The following TLE4 variants were observed in gnomAD, a reference collection of about 807,000 sequenced individuals.
The protein encoded by TLE4 is TLE family member 4, transcriptional corepressor.
Under a neutral mutation model 92.8 loss-of-function variants are expected in TLE4, and 8 were observed. That is an observed-to-expected ratio of 0.09 (90% CI 0.05 to 0.16). The LOEUF (loss-of-function observed/expected upper bound fraction) is 0.16. TLE4 is among the 10% of genes least tolerant of loss of function. TLE4 has a pLI of 1.00. For missense variants in TLE4, 675 were observed against 997.6 expected (o/e 0.68, Z 4.36); for synonymous variants, 371 against 374.1 (o/e 0.99, Z 0.10).
rs778081784 is a variant in TLE4 at position 79,572,846 on chromosome 9, G to T, written c.45+11G>T. On this transcript the variant is annotated intron_variant, in intron 1 of 19. Coordinates refer to ENST00000376552, the MANE Select transcript of TLE4 (RefSeq NM_007005.6). ...CAGACCAGACACCCAGTGAGTGCGG[G>T]CGGCGGGGCGCGGGCTCGCCGGGTG... is the stretch of plus-strand genomic sequence containing the variant. The T allele has an allele frequency of 4.4e-6, 7 of 1,594,120 alleles. No homozygotes were observed. The South Asian group carries it at 6.7e-5, about 15-fold the overall frequency.
intron 6 of TLE4, among the ~76,000 whole-genome samples, chr9:79,629,803 G>A (rs1222893063): frequency 6.6e-6 from 1 of 152,162 alleles, no homozygotes; most frequent in Non-Finnish European, 1.5e-5. Flanking sequence ...ACAAATTTTT[G>A]CTGCTGAGGT....
chr9:79,614,821 G>A (rs1408450225), intron 5 of TLE4, among the ~76,000 whole-genome samples: 2 of 152,036 alleles, frequency 1.3e-5, no homozygotes, highest in African/African-American at 4.8e-5. Context: ...AAGCTCATCA[G>A]TTATCGTTAG....
At chr9:79,597,306 G>A (rs996704142) in intron 4 of TLE4, among the ~76,000 whole-genome samples, 3 of 152,018 alleles carry the variant, frequency 2.0e-5, no homozygotes, top group Admixed American at 6.6e-5. Context: ...TGGACCTCCC[G>A]GTCTACTTTT....
In TLE4 at chr9:79,580,676, T is replaced by A. The variant is rs2039397676; in HGVS notation, c.252+4499T>A. Among the ~76,000 whole-genome samples, 5 of 152,126 alleles carry A rather than the reference T, an allele frequency of 3.3e-5. No homozygotes were observed. The South Asian group carries it at 8.3e-4, about 25-fold the overall frequency. On this transcript the variant is annotated intron_variant, in intron 4 of 19. Transcript: ENST00000376552. ...AGATGGAGGAGTAGGTGTTTTAGTA[T>A]GGAGGCACAAATGTGTCTGTTATAT...
chr9:79,720,377 G>GGGGTGTGTGTGT (rs1263740198), intron 16 of TLE4, 84 bp downstream of exon 16: 4 of 289,940 alleles, frequency 1.4e-5, no homozygotes, highest in African/African-American at 1.1e-4. Flanking sequence ...TATAGGTATG[G>GGGGTGTGTGTGT]GTGTGTGTGT....
intron 16 of TLE4, among the ~76,000 whole-genome samples, chr9:79,721,099 G>A (rs934398425): frequency 6.6e-6 from 1 of 152,194 alleles, no homozygotes; most frequent in African/African-American, 2.4e-5. Context: ...GAAACCTATA[G>A]ATCCCAAAAC....
chr9:79,664,084 T>C (rs2060992704), intron 8 of TLE4, among the ~76,000 whole-genome samples: 1 of 152,194 alleles, frequency 6.6e-6, no homozygotes, highest in South Asian at 2.1e-4. Flanking sequence ...ATTGGACCAC[T>C]CGGGCTTGTG....
At chr9:79,698,721 C>T (rs564462912) in intron 8 of TLE4, among the ~76,000 whole-genome samples, 71 of 152,084 alleles carry the variant, frequency 4.7e-4, no homozygotes, top group African/African-American at 1.5e-3. Context: ...TTTTTACCAC[C>T]AGCATGCTAT....
chr9:79,642,204 A>T (rs1015739896), intron 6 of TLE4, among the ~76,000 whole-genome samples: 3 of 151,942 alleles, frequency 2.0e-5, no homozygotes, highest in African/African-American at 7.2e-5. Context: ...CCTAAAGCAG[A>T]TAGGCTTTTT....
At chr9:79,679,350 T>G (rs2063946254) in intron 8 of TLE4, among the ~76,000 whole-genome samples, 1 of 152,180 alleles carries the variant, frequency 6.6e-6, no homozygotes, top group Non-Finnish European at 1.5e-5. Flanking sequence ...TGGTTTTGAT[T>G]TGCATTTCTC....
intron 9 of TLE4, among the ~76,000 whole-genome samples, chr9:79,705,554 A>G (rs372333035): frequency 3.9e-5 from 6 of 152,320 alleles, no homozygotes; most frequent in South Asian, 4.1e-4. Context: ...GACCACACCT[A>G]TCTGTAGGCC....
intron 1 of TLE4, chr9:79,573,191 C>A (rs1475082173): frequency 1.6e-5 from 15 of 966,578 alleles, no homozygotes; most frequent in Non-Finnish European, 1.9e-5. Flanking sequence ...TCGGCAGCGG[C>A]GCTGCTGGGC....
chr9:79,627,522 T>G, intron 6 of TLE4, 74 bp downstream of exon 6: 1 of 1,494,424 alleles, frequency 6.7e-7, no homozygotes, highest in Non-Finnish European at 9.3e-7. Flanking sequence ...TTTTACATTT[T>G]GTTCCGCCAA....
chr9:79,572,880 T>C, intron 1 of TLE4, 45 bp downstream of exon 1: 1 of 1,567,888 alleles, frequency 6.4e-7, no homozygotes, highest in South Asian at 1.1e-5. Flanking sequence ...TGCTGGGGGA[T>C]TCCCCGCGTC....
intron 4 of TLE4, among the ~76,000 whole-genome samples, chr9:79,592,465 T>C (rs946963509): frequency 6.6e-6 from 1 of 151,758 alleles, no homozygotes; most frequent in Non-Finnish European, 1.5e-5. Flanking sequence ...TGGTACAGAC[T>C]GTGTTTCGCC....
intron 3 of TLE4, chr9:79,575,887 G>A: frequency 3.0e-6 from 1 of 331,530 alleles, no homozygotes; most frequent in Non-Finnish European, 5.5e-6. Flanking sequence ...TAAAGAAACT[G>A]GAGATGTTAA....
intron 8 of TLE4, among the ~76,000 whole-genome samples, chr9:79,673,466 C>G (rs1241278470): frequency 2.0e-5 from 3 of 152,136 alleles, no homozygotes; most frequent in Non-Finnish European, 4.4e-5. Context: ...TTTTGGAATT[C>G]ATATAGGCAA....
At chr9:79,718,189 T>G in intron 14 of TLE4, 2 of 405,354 alleles carry the variant, frequency 4.9e-6, no homozygotes, top group South Asian at 3.6e-5. Context: ...CTTTTTTTTT[T>G]TGGCACATCT....
intron 6 of TLE4, among the ~76,000 whole-genome samples, chr9:79,640,506 T>C (rs193160990): frequency 2.5e-4 from 38 of 152,130 alleles, no homozygotes; most frequent in African/African-American, 8.9e-4. Flanking sequence ...TCTATTCATA[T>C]GGCCATTCCT....
Sources: allele counts gnomAD v4.1 joint callset (sites outside exome capture counted in the v4.1 genomes callset), GRCh38; gene constraint gnomAD v4.1.1; transcripts MANE v1.5; gene names NCBI Gene and HGNC (gene_info 2026-07-23, HGNC 2026-07-21).